Variants in CRTAC1 observed in about 807,000 individuals in gnomAD.
CRTAC1 encodes the protein cartilage acidic protein 1.
In CRTAC1, 37 loss-of-function variants were observed where a neutral mutation model predicts 67.8. That is an observed-to-expected ratio of 0.55 (90% CI 0.42 to 0.72). The LOEUF (loss-of-function observed/expected upper bound fraction) is 0.72, where lower values mean the gene tolerates loss of function less well. CRTAC1 is among the 30% of genes least tolerant of loss of function. The pLI is 0.00. For missense variants in CRTAC1, 780 were observed against 931.6 expected, an observed-to-expected ratio of 0.84 and a Z score of 2.12; for synonymous variants, 348 against 371.0, an observed-to-expected ratio of 0.94 and a Z score of 0.71.
chr10:97,912,612 C>T lies in CRTAC1; in HGVS notation c.716-4465G>A, dbSNP rs1292079959. Among the ~76,000 whole-genome samples the T allele has an allele frequency of 3.9e-5, 6 of 152,256 alleles. No individual in the cohort carries two copies. In the East Asian group the frequency reaches 1.2e-3, roughly 29 times the overall value. The stretch of plus-strand genomic sequence containing the variant: ...AGCCCTCAGGGACTGGGGGGTGAGA[C>T]AGGGAAAGATGGTGGGGAGGGAGGG... On this transcript the variant is annotated intron_variant, in intron 5 of 14. Coordinates refer to ENST00000370597, the MANE Select transcript of CRTAC1 (RefSeq NM_018058.7).
chr10:97,998,040 G>A (rs554870085), intron 2 of CRTAC1, among the ~76,000 whole-genome samples: 16 of 152,158 alleles, frequency 1.1e-4, no homozygotes, highest in Admixed American at 5.9e-4. Flanking sequence ...GTGCGATCTC[G>A]GCTCAATGCC....
intron 1 of CRTAC1, among the ~76,000 whole-genome samples, chr10:98,021,082 G>A (rs1311667962): frequency 2.6e-5 from 4 of 152,034 alleles, no homozygotes; most frequent in Non-Finnish European, 5.9e-5. Context: ...TACCGCTCTG[G>A]GCACTAGGAA....
chr10:98,021,010 CTCATTCATTCAT>C (rs3075454), intron 1 of CRTAC1, among the ~76,000 whole-genome samples: 2 of 151,796 alleles, frequency 1.3e-5, no homozygotes, highest in East Asian at 1.9e-4. Flanking sequence ...CCACTATTCA[CTCATTCATTCAT>C]TCATTCATTC....
chr10:97,885,569 G>A (rs2050271083), intron 11 of CRTAC1, among the ~76,000 whole-genome samples: 1 of 152,208 alleles, frequency 6.6e-6, no homozygotes, highest in African/African-American at 2.4e-5. Context: ...CACTGTCAAA[G>A]CAGGCCCCAG....
intron 2 of CRTAC1, among the ~76,000 whole-genome samples, chr10:97,939,355 T>G (rs2051136847): frequency 6.6e-6 from 1 of 152,114 alleles, no homozygotes. Flanking sequence ...TGGGTCAAAT[T>G]CTTCGATCAG....
At chr10:97,915,257 G>A (rs1311927810) in intron 5 of CRTAC1, among the ~76,000 whole-genome samples, 4 of 152,208 alleles carry the variant, frequency 2.6e-5, no homozygotes, top group South Asian at 2.1e-4. Flanking sequence ...AAAGGTCAGC[G>A]GGCTGTGGCA....
intron 5 of CRTAC1, among the ~76,000 whole-genome samples, chr10:97,911,655 C>T (rs991589034): frequency 3.3e-5 from 5 of 152,194 alleles, no homozygotes; most frequent in African/African-American, 9.6e-5. Context: ...ACTCCCAGGT[C>T]GACAAGCAAA....
chr10:97,968,657 C>T (rs2051658245), intron 2 of CRTAC1, among the ~76,000 whole-genome samples: 1 of 152,154 alleles, frequency 6.6e-6, no homozygotes, highest in Admixed American at 6.5e-5. Flanking sequence ...GGCTGAATTC[C>T]CCAGGAAGGC....
chr10:97,928,451 G>A (rs1005624565), intron 3 of CRTAC1, among the ~76,000 whole-genome samples: 19 of 152,238 alleles, frequency 1.2e-4, no homozygotes, highest in African/African-American at 4.6e-4. Flanking sequence ...CACGTCTATA[G>A]CACTTGCCAG....
chr10:97,941,647 A>G (rs1274156297), intron 2 of CRTAC1, among the ~76,000 whole-genome samples: 2 of 152,038 alleles, frequency 1.3e-5, no homozygotes, highest in African/African-American at 4.8e-5. Context: ...TTCGCCTCTC[A>G]TTAATTGGCC....
intron 12 of CRTAC1, among the ~76,000 whole-genome samples, chr10:97,883,225 C>T (rs1001242065): frequency 2.6e-5 from 4 of 152,234 alleles, no homozygotes; most frequent in Non-Finnish European, 5.9e-5. Context: ...AAGAACCTCT[C>T]CCTCACACGG....
chr10:97,917,276 C>T (rs1385681280), intron 5 of CRTAC1, among the ~76,000 whole-genome samples: 1 of 152,168 alleles, frequency 6.6e-6, no homozygotes, highest in Non-Finnish European at 1.5e-5. Flanking sequence ...CTCTTGGGTA[C>T]CCCAAAACTC....
intron 2 of CRTAC1, among the ~76,000 whole-genome samples, chr10:97,992,583 TA>T (rs1166627651): frequency 6.6e-6 from 1 of 152,206 alleles, no homozygotes; most frequent in East Asian, 1.9e-4. Flanking sequence ...GAAAATGTGA[TA>T]ACACATAATA....
intron 5 of CRTAC1, among the ~76,000 whole-genome samples, chr10:97,913,320 G>A (rs1238878603): frequency 6.6e-6 from 1 of 152,118 alleles, no homozygotes; most frequent in Non-Finnish European, 1.5e-5. Flanking sequence ...CTGTGTGGCG[G>A]GTATTAGACA....
At chr10:97,976,744 T>G (rs770685274) in intron 2 of CRTAC1, among the ~76,000 whole-genome samples, 1 of 152,218 alleles carries the variant, frequency 6.6e-6, no homozygotes, top group African/African-American at 2.4e-5. Flanking sequence ...AATCCAGAAT[T>G]TATCGCATTC....
intron 2 of CRTAC1, among the ~76,000 whole-genome samples, chr10:97,969,674 C>T (rs2051676582): frequency 6.6e-6 from 1 of 152,112 alleles, no homozygotes; most frequent in Admixed American, 6.5e-5. Flanking sequence ...CATGGACGAC[C>T]CCACAGAGCC....
intron 7 of CRTAC1, 86 bp downstream of exon 7, chr10:97,904,583 C>T (rs2050583745): frequency 7.3e-7 from 1 of 1,373,228 alleles, no homozygotes; most frequent in Non-Finnish European, 9.6e-7. Context: ...CCACACCTGG[C>T]CAATTTTTGG....
At chr10:97,885,349 CA>C (rs1439896637) in intron 11 of CRTAC1, among the ~76,000 whole-genome samples, 2 of 152,032 alleles carry the variant, frequency 1.3e-5, no homozygotes, top group African/African-American at 4.8e-5. Flanking sequence ...AAAATAAAAA[CA>C]AACAAAAAAC....
chr10:97,966,519 A>C (rs376198735), intron 2 of CRTAC1, among the ~76,000 whole-genome samples: 2 of 152,222 alleles, frequency 1.3e-5, no homozygotes, highest in Non-Finnish European at 2.9e-5. Flanking sequence ...AGTTTCCCCT[A>C]TCATTAACAT....
Sources: gnomAD v4.1 joint callset for allele counts (sites outside exome capture counted in the v4.1 genomes callset) on GRCh38, gnomAD v4.1.1 for gene constraint, MANE v1.5 for transcripts, NCBI Gene and HGNC (gene_info 2026-07-23, HGNC 2026-07-21) for gene names.